FHAD1: variants seen among roughly 807,000 people sequenced by gnomAD.
FHAD1 encodes forkhead associated phosphopeptide binding domain 1, also known as forkhead-associated domain-containing protein 1.
Under a neutral mutation model 191.3 loss-of-function variants are expected in FHAD1, and 146 were observed. The observed-to-expected ratio is 0.76, with a 90% CI of 0.67 to 0.88. The LOEUF is 0.88. Among genes scored for constraint, FHAD1 ranks in the 40% least tolerant of loss-of-function variants. The pLI is 0.00. For missense variants in FHAD1, 1,635 were observed against 1,785.8 expected (o/e 0.92, Z 1.52); for synonymous variants, 616 against 672.3 (o/e 0.92, Z 1.29).
chr1:15,376,815 C>T (rs926963894), intron 28 of FHAD1, among the ~76,000 whole-genome samples: 6 of 152,158 alleles, frequency 3.9e-5, no homozygotes, highest in Admixed American at 6.5e-5. Context: ...AGAAGGGTAT[C>T]GCTTGAGGTC....
intron 16 of FHAD1, 119 bp from the exon 17 acceptor site, chr1:15,344,964 C>A: frequency 1.3e-6 from 1 of 756,062 alleles, no homozygotes; most frequent in Middle Eastern, 2.7e-4. Context: ...GCTCTGCTGC[C>A]CACAGCCTCC....
intron 33 of FHAD1, among the ~76,000 whole-genome samples, chr1:15,395,184 G>A (rs1705511725): frequency 6.6e-6 from 1 of 151,942 alleles, no homozygotes; most frequent in Non-Finnish European, 1.5e-5. Context: ...CATGCTGGCG[G>A]GCACCTGTTG....
chr1:15,279,449 C>G (rs769719043), intron 3 of FHAD1, among the ~76,000 whole-genome samples: 1 of 94,182 alleles, frequency 1.1e-5, no homozygotes, highest in Non-Finnish European at 2.2e-5. Context: ...AGGGTTACCT[C>G]TCTCGGCTTT....
chr1:15,352,972 C>G lies in FHAD1; in HGVS notation c.2550C>G (p.Thr850=). The G allele has an allele frequency of 6.4e-7, 1 of 1,550,818 alleles. No homozygotes were observed. The highest frequency in any genetic ancestry group is 8.7e-7 in the Non-Finnish European group (1 of 1,146,630). The change falls in exon 20 of 34, where the codon ACC becomes ACG. Residue 850 remains threonine, a synonymous_variant. Coordinates refer to ENST00000688493, the MANE Select transcript of FHAD1 (RefSeq NM_001391957.1). ...KKVQDLENRL[T]KQKEELELKE... ...TGCAAGACCTGGAGAATCGCTTAACCAAGCAGAAAGAGGTATGAGCCGCAG... is the reference window on the plus strand; with the variant it reads ...TGCAAGACCTGGAGAATCGCTTAACGAAGCAGAAAGAGGTATGAGCCGCAG...
chr1:15,289,369 A>G lies in FHAD1; in HGVS notation c.301-30A>G. Reference sequence around the variant, plus strand: ...ATGGAGACCATCCCAGCCGGTCATAACCTCCCCTGACCCTTGTCTGCCCCT... The same window carrying G: ...ATGGAGACCATCCCAGCCGGTCATAGCCTCCCCTGACCCTTGTCTGCCCCT... On this transcript the variant is annotated intron_variant, in intron 3 of 33. Transcript: ENST00000688493. This position sits in a 1 kb window ranked among gnomAD's most constrained non-coding sequence, Gnocchi z 4.2. The G allele has an allele frequency of 6.5e-7, 1 of 1,542,700 alleles. No homozygotes were observed. The highest frequency in any genetic ancestry group is 2.5e-5 in the East Asian group (1 of 40,724).
At position 15,308,659 on chromosome 1, in the gene FHAD1, T is replaced by C; in HGVS notation, c.962T>C (p.Leu321Pro). The C allele has an allele frequency of 2.6e-6, 4 of 1,551,730 alleles. No individual in the cohort carries two copies. Among genetic ancestry groups the C allele is most frequent in the Non-Finnish European group, 3.5e-6 (4 of 1,147,006 alleles). The change falls in exon 7 of 34, where the codon CTG becomes CCG. Residue 321 changes from leucine to proline, a missense_variant. Transcript: ENST00000688493. ...TACAGCAAGGTGCTGTGCCAGACCCTGTCAGAGCGGAACTCAGAAATCACA... is the reference window on the plus strand; with the variant it reads ...TACAGCAAGGTGCTGTGCCAGACCCCGTCAGAGCGGAACTCAGAAATCACA... The part of the protein sequence containing the change: ...KGYSKVLCQT[L>P]SERNSEITSL...
At chr1:15,261,010 G>A (rs1650761678) in intron 2 of FHAD1, among the ~76,000 whole-genome samples, 2 of 152,172 alleles carry the variant, frequency 1.3e-5, no homozygotes, top group African/African-American at 4.8e-5. Flanking sequence ...AGAGGGAAGC[G>A]ATAATATGGG....
At chr1:15,386,873 ATTTG>A (rs1702246034) in intron 31 of FHAD1, among the ~76,000 whole-genome samples, 1 of 67,468 alleles carries the variant, frequency 1.5e-5, no homozygotes, top group South Asian at 4.1e-4. Context: ...TTGTTTGTTT[ATTTG>A]TTTGAGACAG....
At chr1:15,366,375 T>C (rs1696466479) in intron 24 of FHAD1, among the ~76,000 whole-genome samples, 1 of 148,374 alleles carries the variant, frequency 6.7e-6, no homozygotes, top group Non-Finnish European at 1.5e-5. Flanking sequence ...TAACTCAGGG[T>C]CAGCAAAAGC....
intron 20 of FHAD1, among the ~76,000 whole-genome samples, chr1:15,355,091 C>G (rs974106936): frequency 6.6e-6 from 1 of 152,114 alleles, no homozygotes; most frequent in African/African-American, 2.4e-5. Context: ...TGCTTGTAAT[C>G]CCAGCTACTT....
chr1:15,245,914 A>G (rs1294276066), upstream of FHAD1, among the ~76,000 whole-genome samples: 1 of 152,168 alleles, frequency 6.6e-6, no homozygotes, highest in Non-Finnish European at 1.5e-5. Flanking sequence ...TTCCACCACA[A>G]ATCGATGTCC....
chr1:15,293,730 A>T (rs1665907038), intron 4 of FHAD1, among the ~76,000 whole-genome samples: 1 of 152,124 alleles, frequency 6.6e-6, no homozygotes, highest in African/African-American at 2.4e-5. Flanking sequence ...AAAAACCAAC[A>T]AACAAAAAAA....
chr1:15,375,807 C>T, intron 28 of FHAD1, 77 bp downstream of exon 28: 2 of 1,401,612 alleles, frequency 1.4e-6, no homozygotes, highest in Admixed American at 2.8e-5. Context: ...AGCTTCGTTC[C>T]CTGGCACAGC....
Position 15,352,958 on chromosome 1 carries a change from G to A in FHAD1, c.2536G>A (p.Glu846Lys). The change falls in exon 20 of 34, where the codon GAG (glutamate) becomes AAG (lysine). Residue 846 changes from glutamate (E) to lysine (K), a missense_variant. Transcript: ENST00000688493. Reference sequence around the variant, plus strand: ...GGAAAAGAAAAAGGTGCAAGACCTGGAGAATCGCTTAACCAAGCAGAAAGA... The same window carrying A: ...GGAAAAGAAAAAGGTGCAAGACCTGAAGAATCGCTTAACCAAGCAGAAAGA... The part of the protein sequence containing the change: ...EKEKKKVQDL[E>K]NRLTKQKEEL... The A allele has an allele frequency of 6.4e-7, 1 of 1,551,288 alleles. No individual in the cohort carries two copies. Among genetic ancestry groups the A allele is most frequent in the South Asian group, 1.2e-5 (1 of 84,030 alleles).
intron 3 of FHAD1, among the ~76,000 whole-genome samples, chr1:15,283,642 C>T (rs1233147931): frequency 6.6e-6 from 1 of 152,160 alleles, no homozygotes; most frequent in Non-Finnish European, 1.5e-5. Flanking sequence ...CACCAACAGG[C>T]CCCAGCTCTC....
At chr1:15,296,355 G>T (rs1666970776) in intron 4 of FHAD1, among the ~76,000 whole-genome samples, 1 of 150,086 alleles carries the variant, frequency 6.7e-6, no homozygotes, top group South Asian at 2.1e-4. Context: ...CCAGGTTCAC[G>T]CCATTCTCCT....
At chr1:15,360,196 A>G (rs1694317423) in intron 21 of FHAD1, among the ~76,000 whole-genome samples, 1 of 152,244 alleles carries the variant, frequency 6.6e-6, no homozygotes, top group Non-Finnish European at 1.5e-5. Flanking sequence ...CTTCAGGGAC[A>G]ATGAAACAGA....
chr1:15,280,550 T>C (rs2100243281), intron 3 of FHAD1, among the ~76,000 whole-genome samples: 1 of 152,168 alleles, frequency 6.6e-6, no homozygotes, highest in South Asian at 2.1e-4. Flanking sequence ...GTGGAAGCCT[T>C]AGCATCCTGG....
At chr1:15,290,581 T>C (rs1664240734) in intron 4 of FHAD1, among the ~76,000 whole-genome samples, 4 of 152,182 alleles carry the variant, frequency 2.6e-5, no homozygotes, top group Admixed American at 2.6e-4. Flanking sequence ...GTAAAGGCCA[T>C]GTGTCTCCAC....
Sources: gnomAD v4.1 joint callset for allele counts (sites outside exome capture counted in the v4.1 genomes callset) on GRCh38, gnomAD v4.1.1 for gene constraint, Gnocchi (gnomAD v3.1) non-coding constraint, MANE v1.5 for transcripts, NCBI Gene and HGNC (gene_info 2026-07-23, HGNC 2026-07-21) for gene names.